Variants in TEX9 observed in about 807,000 individuals in gnomAD.
TEX9 encodes the protein testis-expressed protein 9.
A neutral mutation model predicts 59.6 loss-of-function variants in TEX9; 74 were observed. That is an observed-to-expected ratio of 1.24 (90% CI 1.03 to 1.51). The LOEUF (loss-of-function observed/expected upper bound fraction) is 1.51, where lower values mean the gene tolerates loss of function less well. Ranked by LOEUF, TEX9 falls within the 40% of genes most tolerant of loss-of-function variation. TEX9 has a pLI of 0.00. For missense variants in TEX9, 522 were observed against 447.8 expected, an observed-to-expected ratio of 1.17 and a Z score of -1.49; for synonymous variants, 186 against 152.2, an observed-to-expected ratio of 1.22 and a Z score of -1.64.
intron 12 of TEX9, among the ~76,000 whole-genome samples, chr15:56,439,565 C>A (rs2050784345): frequency 6.6e-6 from 1 of 152,036 alleles, no homozygotes; most frequent in Non-Finnish European, 1.5e-5. Flanking sequence ...TAGACCCATA[C>A]AAACATGCCA....
chr15:56,410,157 C>T (rs1549452), intron 9 of TEX9: 64,626 of 151,990 alleles, frequency 0.43, 13,928 homozygotes, highest in Non-Finnish European at 0.45. Context: ...GAGTCTACCA[C>T]AGCTGGCAGG....
intron 1 of TEX9, among the ~76,000 whole-genome samples, chr15:56,298,428 C>T (rs1325917149): frequency 1.3e-5 from 2 of 152,098 alleles, no homozygotes; most frequent in Non-Finnish European, 2.9e-5. Flanking sequence ...ATTCAGGTTT[C>T]TTTGATATGA....
At chr15:56,303,886 G>T (rs1193136779) in intron 1 of TEX9, among the ~76,000 whole-genome samples, 9 of 152,100 alleles carry the variant, frequency 5.9e-5, no homozygotes, top group African/African-American at 2.2e-4. Context: ...CCAATAAATT[G>T]GAAAACCTAG....
At chr15:56,304,104 A>G (rs1215966650) in intron 1 of TEX9, among the ~76,000 whole-genome samples, 1 of 152,246 alleles carries the variant, frequency 6.6e-6, no homozygotes, top group Non-Finnish European at 1.5e-5. Context: ...AAACTATTCT[A>G]GAAAATAGAA....
chr15:56,405,738 ATCTCGGTGTACAGT>A (rs1294702681), intron 9 of TEX9, among the ~76,000 whole-genome samples: 3 of 151,956 alleles, frequency 2.0e-5, no homozygotes, highest in Admixed American at 6.6e-5. Flanking sequence ...ATACAAACAA[ATCTCGGTGTACAGT>A]TCACAGAAAA....
chr15:56,269,207 T>C (rs531069019), intron 1 of TEX9, among the ~76,000 whole-genome samples: 1 of 152,318 alleles, frequency 6.6e-6, no homozygotes, highest in East Asian at 1.9e-4. Context: ...ATTTGATTCT[T>C]CTCTCTTTTC....
intron 1 of TEX9, among the ~76,000 whole-genome samples, chr15:56,309,690 G>A (rs1348701738): frequency 1.5e-5 from 1 of 65,516 alleles, no homozygotes; most frequent in African/African-American, 4.8e-5. Flanking sequence ...ATTTTTATGG[G>A]AAGTTTTTTT....
At chr15:56,300,571 G>C (rs962165082) in intron 1 of TEX9, among the ~76,000 whole-genome samples, 1 of 152,124 alleles carries the variant, frequency 6.6e-6, no homozygotes, top group Non-Finnish European at 1.5e-5. Context: ...AGTGTTTGCT[G>C]TGGGCCCTGT....
chr15:56,256,587 A>T (rs550993338), intron 1 of TEX9, among the ~76,000 whole-genome samples: 4 of 152,128 alleles, frequency 2.6e-5, no homozygotes, highest in African/African-American at 9.6e-5. Context: ...AATTTGTATA[A>T]AACTAAGAGA....
chr15:56,315,938 C>T (rs1379517921), intron 1 of TEX9, among the ~76,000 whole-genome samples: 23 of 151,696 alleles, frequency 1.5e-4, no homozygotes, highest in Non-Finnish European at 1.3e-4. Flanking sequence ...TCCAGTTGAT[C>T]GCGTCGGCTC....
At chr15:56,300,779 A>G (rs912921600) in intron 1 of TEX9, among the ~76,000 whole-genome samples, 7 of 150,960 alleles carry the variant, frequency 4.6e-5, no homozygotes, top group Non-Finnish European at 7.4e-5. Flanking sequence ...AAAGTAAAGC[A>G]AAAGTCTCTA....
chr15:56,273,334 A>G (rs72740525), intron 1 of TEX9, among the ~76,000 whole-genome samples: 14 of 152,328 alleles, frequency 9.2e-5, no homozygotes, highest in Non-Finnish European at 1.5e-4. Flanking sequence ...CATAGAATTT[A>G]TAATGCATGT....
chr15:56,361,263 A>G (rs1216179640), upstream of TEX9, among the ~76,000 whole-genome samples: 1 of 152,034 alleles, frequency 6.6e-6, no homozygotes, highest in Non-Finnish European at 1.5e-5. Flanking sequence ...TTTAAGTTTA[A>G]TATTTTTCCT....
rs1470394946 is a variant in TEX9, at chr15:56,324,666, A to G, written c.-106-48775A>G. ...TGAACTCATTATTTTTACCCTTTGG[A>G]ATGGTGCTCTATGCTTAGAATTCCA... On this transcript the variant is annotated intron_variant, in intron 1 of 5. Coordinates refer to the TEX9 transcript ENST00000560827. Among the ~76,000 whole-genome samples, 3 of 152,294 alleles carry G rather than the reference A, an allele frequency of 2.0e-5. No individual in the cohort carries two copies. In the East Asian group the frequency reaches 5.8e-4, roughly 29 times the overall value.
intron 1 of TEX9, among the ~76,000 whole-genome samples, chr15:56,351,481 T>C (rs1245095821): frequency 6.6e-6 from 1 of 152,168 alleles, no homozygotes; most frequent in Non-Finnish European, 1.5e-5. Context: ...AAAAAAGTTA[T>C]GTCACATGCA....
intron 1 of TEX9, chr15:56,323,219 C>A: frequency 9.2e-6 from 2 of 217,186 alleles, no homozygotes; most frequent in South Asian, 1.6e-4. Context: ...ATGCTTCAGT[C>A]AACTTCTCAA....
chr15:56,415,168 T>C (rs1351008918), intron 10 of TEX9, among the ~76,000 whole-genome samples: 1 of 151,888 alleles, frequency 6.6e-6, no homozygotes, highest in Non-Finnish European at 1.5e-5. Flanking sequence ...GCAAAAATTT[T>C]CTCCCATTCT....
At chr15:56,302,320 TACACACACACACACAC>T (rs56766153) in intron 1 of TEX9, among the ~76,000 whole-genome samples, 3 of 135,704 alleles carry the variant, frequency 2.2e-5, no homozygotes, top group African/African-American at 5.6e-5. Flanking sequence ...AGACACTGTT[TACACACACACACACAC>T]ACACACACAC....
chr15:56,379,941 T>C (rs1310581156), intron 3 of TEX9, among the ~76,000 whole-genome samples: 1 of 152,104 alleles, frequency 6.6e-6, no homozygotes, highest in Non-Finnish European at 1.5e-5. Flanking sequence ...AAAGTATGTT[T>C]CTTGTAAGCG....
Sources: allele counts gnomAD v4.1 joint callset (sites outside exome capture counted in the v4.1 genomes callset), GRCh38; gene constraint gnomAD v4.1.1; transcripts MANE v1.5; gene names NCBI Gene and HGNC (gene_info 2026-07-23, HGNC 2026-07-21).